The following SMKR1 variants were observed in gnomAD, a reference collection of about 807,000 sequenced individuals.
SMKR1 encodes the protein small lysine-rich protein 1.
Under a neutral mutation model 4.0 loss-of-function variants are expected in SMKR1, and 4 were observed. The observed-to-expected ratio is 1.00, with a 90% CI of 0.49 to 2.30. The LOEUF is 2.30. SMKR1 is among the 30% of genes most tolerant of loss of function. SMKR1 has a pLI of 0.02. For missense variants in SMKR1, 56 were observed against 81.8 expected (o/e 0.68, Z 1.22); for synonymous variants, 38 against 32.5 (o/e 1.17, Z -0.58).
chr7:129,504,546 C>A (rs2151026981), intron 1 of SMKR1, among the ~76,000 whole-genome samples: 1 of 80,470 alleles, frequency 1.2e-5, no homozygotes, highest in South Asian at 4.6e-4. Flanking sequence ...TTATTAATTT[C>A]TTTGTTTTTG....
At chr7:129,503,603 C>A (rs559436300) in intron 1 of SMKR1, among the ~76,000 whole-genome samples, 9 of 152,338 alleles carry the variant, frequency 5.9e-5, no homozygotes, top group Non-Finnish European at 4.4e-5. Context: ...TCAGAAGGAC[C>A]CTGCCTCCTG....
chr7:129,510,997 C>T (rs1374359969), intron 1 of SMKR1, among the ~76,000 whole-genome samples: 10 of 152,058 alleles, frequency 6.6e-5, no homozygotes, highest in Admixed American at 1.3e-4. Context: ...TTAGTAGAGA[C>T]GGGGTTTCAC....
rs150489573 is a variant in SMKR1 at position 129,511,644 on chromosome 7, C to T, written c.4-603C>T. On this transcript the variant is annotated intron_variant, in intron 1 of 1. Coordinates refer to ENST00000462322, the MANE Select transcript of SMKR1 (RefSeq NM_001195243.2). Reference sequence around the variant, plus strand: ...TCTTTTAATCAGGGTGCTTAATAAACATTTGTCAAATTAGATTGCGTGTGA... The same window carrying T: ...TCTTTTAATCAGGGTGCTTAATAAATATTTGTCAAATTAGATTGCGTGTGA... 4.6e-5 allele frequency among the ~76,000 whole-genome samples: 7 copies of T among 152,282 alleles called. No individual in the cohort carries two copies. The East Asian group carries it at 5.8e-4, about 13-fold the overall frequency.
At position 129,512,261 on chromosome 7, in the gene SMKR1, A is replaced by G. The variant is rs1799534429; in HGVS notation, c.18A>G (p.Lys6=). 6.6e-7 allele frequency: 1 copy of G among 1,511,590 alleles called. No individual in the cohort carries two copies. Among genetic ancestry groups the G allele is most frequent in the Admixed American group, 2.4e-5 (1 of 42,462 alleles). The allele number at this position is 1,511,590 out of a possible 1,614,324, so 93.6% of individuals were successfully genotyped here. A position where few individuals can be genotyped will look rare whatever the true frequency, so the allele number is the denominator to read the frequency against. Reference sequence around the variant, plus strand: ...GTCTTTGAAAGCCAGCTAAAGGGAAAAAAGGAAAAGGCCAGGGCAAGTCTC... The same window carrying G: ...GTCTTTGAAAGCCAGCTAAAGGGAAGAAAGGAAAAGGCCAGGGCAAGTCTC... MPAKG[K]KGKGQGKSHG... is the part of the protein sequence containing the mutation. Residue 6 remains lysine (K), a synonymous_variant, in exon 2 of 2, where the codon AAA becomes AAG. Coordinates refer to ENST00000462322, the MANE Select transcript of SMKR1 (RefSeq NM_001195243.2).
intron 1 of SMKR1, among the ~76,000 whole-genome samples, 167 bp downstream of exon 1, chr7:129,502,994 G>C (rs1455109957): frequency 6.6e-6 from 1 of 151,712 alleles, no homozygotes; most frequent in Non-Finnish European, 1.5e-5. Context: ...CGCGCCTGCT[G>C]GGGGCGCAGC....
At chr7:129,502,924 C>T (rs565789424) in intron 1 of SMKR1, 97 bp downstream of exon 1, 3 of 1,508,958 alleles carry the variant, frequency 2.0e-6, no homozygotes, top group Non-Finnish European at 2.7e-6. Context: ...CACCGCCTCT[C>T]CCTGGGGTCG....
intron 1 of SMKR1, 131 bp downstream of exon 1, chr7:129,502,958 G>A (rs1026288408): frequency 3.0e-6 from 4 of 1,332,008 alleles, no homozygotes; most frequent in Non-Finnish European, 4.1e-6. Context: ...GCGAAAAGAT[G>A]GAGGGACAAG....
intron 1 of SMKR1, among the ~76,000 whole-genome samples, chr7:129,511,854 C>T (rs1412644236): frequency 2.6e-5 from 4 of 151,824 alleles, no homozygotes; most frequent in Non-Finnish European, 5.9e-5. Flanking sequence ...TTTCCTTGTT[C>T]AATACAGAAA....
At chr7:129,512,218 C>T (rs752258418) in intron 1 of SMKR1, 29 bp from the exon 2 acceptor site, 46 of 1,488,714 alleles carry the variant, frequency 3.1e-5, no homozygotes, top group Non-Finnish European at 3.2e-5. Context: ...TAACTTCCCT[C>T]CTCCCATATT....
chr7:129,512,556 T>A lies in SMKR1; in HGVS notation c.*115T>A. Reference sequence around the variant, plus strand: ...TACTCCAGACGACTTGAGATGCAAATTAAGTGTGCTTTTCTGTGATGGTGG... The same window carrying A: ...TACTCCAGACGACTTGAGATGCAAAATAAGTGTGCTTTTCTGTGATGGTGG... On this transcript the variant is annotated 3_prime_UTR_variant, in exon 2 of 2. Coordinates refer to ENST00000462322, the MANE Select transcript of SMKR1 (RefSeq NM_001195243.2). The A allele has an allele frequency of 2.9e-6, 3 of 1,039,976 alleles. No homozygotes were observed. The highest frequency in any genetic ancestry group is 4.0e-6 in the Non-Finnish European group (3 of 748,690). 64.4% of individuals were successfully genotyped at this position (1,039,976 alleles called of 1,614,324 possible).
chr7:129,505,517 C>T (rs1320528282), intron 1 of SMKR1, among the ~76,000 whole-genome samples: 6 of 151,026 alleles, frequency 4.0e-5, no homozygotes, highest in Non-Finnish European at 7.4e-5. Context: ...TCACTCTTGT[C>T]GCCCAGGCTG....
intron 1 of SMKR1, among the ~76,000 whole-genome samples, chr7:129,511,438 G>C (rs1799525758): frequency 6.6e-6 from 1 of 152,174 alleles, no homozygotes; most frequent in African/African-American, 2.4e-5. Context: ...ACAGATTTCA[G>C]TGTGCACTTC....
intron 1 of SMKR1, among the ~76,000 whole-genome samples, chr7:129,506,259 A>G (rs958467584): frequency 6.6e-6 from 1 of 152,050 alleles, no homozygotes. Context: ...GGGCACCATA[A>G]TGAGACCCTC....
At chr7:129,507,570 CAT>C (rs1799482783) in intron 1 of SMKR1, among the ~76,000 whole-genome samples, 2 of 152,142 alleles carry the variant, frequency 1.3e-5, no homozygotes, top group Non-Finnish European at 2.9e-5. Flanking sequence ...ATATGGTAGA[CAT>C]GTGTTTAACT....
chr7:129,507,445 C>T (rs1799481684), intron 1 of SMKR1, among the ~76,000 whole-genome samples: 1 of 152,184 alleles, frequency 6.6e-6, no homozygotes, highest in Non-Finnish European at 1.5e-5. Flanking sequence ...CCACTGTACC[C>T]AGCCTGTTTC....
At chr7:129,503,221 T>C (rs1799429133) in intron 1 of SMKR1, among the ~76,000 whole-genome samples, 2 of 151,728 alleles carry the variant, frequency 1.3e-5, no homozygotes, top group African/African-American at 4.9e-5. Flanking sequence ...CTCTGCAGAC[T>C]CAGGAAGCAG....
chr7:129,508,503 G>A lies in SMKR1; in HGVS notation c.4-3744G>A, dbSNP rs368337535. Among the ~76,000 whole-genome samples the A allele has an allele frequency of 2.7e-4, 41 of 152,148 alleles. 1 individual carries two copies. The South Asian group carries it at 4.6e-3, about 17-fold the overall frequency. On this transcript the variant is annotated intron_variant, in intron 1 of 1. Transcript: ENST00000462322. ...CTCACCCAGGCTGGAGTGCAGTGGC[G>A]CAATCTCAGCTCACTGCAACCTCTG... is the stretch of plus-strand genomic sequence containing the variant.
chr7:129,504,748 T>C (rs1188868578), intron 1 of SMKR1, among the ~76,000 whole-genome samples: 2 of 152,122 alleles, frequency 1.3e-5, no homozygotes, highest in Non-Finnish European at 2.9e-5. Context: ...GAGACCGGAT[T>C]TTGCCATCTT....
intron 1 of SMKR1, among the ~76,000 whole-genome samples, chr7:129,511,235 T>C (rs890890412): frequency 3.3e-5 from 5 of 152,260 alleles, no homozygotes; most frequent in African/African-American, 1.2e-4. Flanking sequence ...GTTTTAAATT[T>C]AATGTGTATT....
Sources: allele counts gnomAD v4.1 joint callset (sites outside exome capture counted in the v4.1 genomes callset), GRCh38; gene constraint gnomAD v4.1.1; transcripts MANE v1.5; gene names NCBI Gene and HGNC (gene_info 2026-07-23, HGNC 2026-07-21).